ARK2C: variants seen among roughly 807,000 people sequenced by gnomAD.
ARK2C encodes the protein E3 ubiquitin-protein ligase ARK2C.
At chr18:46,451,918 T>C in the ARK2C span, among the ~76,000 whole-genome samples, 1 of 152,216 alleles carries the variant, frequency 6.6e-6, no homozygotes, top group African/African-American at 2.4e-5. Flanking sequence ...CTGTGTACTG[T>C]ATGTTTCCAA....
At chr18:46,437,435 A>G in the ARK2C span, among the ~76,000 whole-genome samples, 1 of 152,260 alleles carries the variant, frequency 6.6e-6, no homozygotes, top group African/African-American at 2.4e-5. Context: ...ATCCTCTGCA[A>G]GGAGCCCTGG....
At chr18:46,432,651 G>A in the ARK2C span, among the ~76,000 whole-genome samples, 38 of 152,324 alleles carry the variant, frequency 2.5e-4, no homozygotes, top group African/African-American at 8.2e-4. Flanking sequence ...GGATGCTTAT[G>A]TATTCATTAA....
chr18:46,335,226 C>G, the ARK2C span: 2 of 152,200 alleles, frequency 1.3e-5, no homozygotes, highest in Non-Finnish European at 2.9e-5. Flanking sequence ...CCACGCCAGG[C>G]CTTTGCCCCG....
chr18:46,373,642 C>T, the ARK2C span, among the ~76,000 whole-genome samples: 4 of 152,196 alleles, frequency 2.6e-5, no homozygotes, highest in African/African-American at 7.2e-5. Flanking sequence ...CACACTGGCT[C>T]CTCGGGCTCC....
At chr18:46,338,035 A>C in the ARK2C span, among the ~76,000 whole-genome samples, 1 of 152,148 alleles carries the variant, frequency 6.6e-6, no homozygotes, top group African/African-American at 2.4e-5. Context: ...GGTGAAGAGA[A>C]GGGGATATAA....
chr18:46,355,575 C>T, the ARK2C span, among the ~76,000 whole-genome samples: 1 of 152,224 alleles, frequency 6.6e-6, no homozygotes, highest in African/African-American at 2.4e-5. Flanking sequence ...CCCATCTGTG[C>T]CTATCTGAGG....
the ARK2C span, among the ~76,000 whole-genome samples, chr18:46,404,946 C>T: frequency 6.6e-6 from 1 of 152,114 alleles, no homozygotes; most frequent in African/African-American, 2.4e-5. Context: ...ATGTATGATA[C>T]ATGCAGAAGA....
At chr18:46,460,254 G>C in the ARK2C span, 1 of 152,500 alleles carries the variant, frequency 6.6e-6, no homozygotes, top group African/African-American at 2.4e-5. Context: ...CCCGCCTGTA[G>C]GCGGGACAAA....
chr18:46,404,097 G>C, the ARK2C span, among the ~76,000 whole-genome samples: 1 of 152,162 alleles, frequency 6.6e-6, no homozygotes, highest in Non-Finnish European at 1.5e-5. Context: ...CCCATGGAAA[G>C]TTTCAGGATT....
the ARK2C span, among the ~76,000 whole-genome samples, chr18:46,382,389 C>T: frequency 2.6e-5 from 4 of 152,234 alleles, no homozygotes; most frequent in African/African-American, 9.6e-5. Flanking sequence ...TTGGTCCTGG[C>T]TGGGTCTGAG....
chr18:46,448,053 C>G, the ARK2C span, among the ~76,000 whole-genome samples: 1 of 151,382 alleles, frequency 6.6e-6, no homozygotes, highest in Admixed American at 6.6e-5. Context: ...TGTTCTCAAC[C>G]TCCTATACCC....
the ARK2C span, among the ~76,000 whole-genome samples, chr18:46,396,812 G>A: frequency 6.6e-6 from 1 of 152,186 alleles, no homozygotes; most frequent in South Asian, 2.1e-4. Flanking sequence ...ATCCAAGGAC[G>A]GGCGTGGTGG....
chr18:46,450,808 G>T, the ARK2C span: 6 of 1,599,092 alleles, frequency 3.8e-6, no homozygotes, highest in Admixed American at 1.7e-5. Context: ...AGGTGGGTCT[G>T]CCAGCAGGCC....
At chr18:46,363,830 G>A in the ARK2C span, among the ~76,000 whole-genome samples, 1 of 152,160 alleles carries the variant, frequency 6.6e-6, no homozygotes, top group African/African-American at 2.4e-5. Flanking sequence ...TGAATTCATA[G>A]GGGCCACCGT....
chr18:46,450,320 C>G, the ARK2C span: 1 of 1,614,006 alleles, frequency 6.2e-7, no homozygotes, highest in Non-Finnish European at 8.5e-7. Flanking sequence ...CCGAAACTAC[C>G]CTTACCCTCA....
the ARK2C span, chr18:46,336,197 C>A: frequency 3.0e-6 from 3 of 985,344 alleles, no homozygotes; most frequent in Non-Finnish European, 3.6e-6. Context: ...GGCAGAAATT[C>A]AAAAATGATT....
chr18:46,450,186 C>T, the ARK2C span: 1 of 748,772 alleles, frequency 1.3e-6, no homozygotes, highest in South Asian at 1.5e-5. Context: ...ATAGTTCTGC[C>T]CACAGCATCT....
chr18:46,403,527 T>G, the ARK2C span, among the ~76,000 whole-genome samples: 3 of 152,226 alleles, frequency 2.0e-5, no homozygotes, highest in African/African-American at 7.2e-5. Context: ...CTTGACTCTT[T>G]CATTTCAATG....
At chr18:46,421,054 G>A in the ARK2C span, among the ~76,000 whole-genome samples, 1 of 152,170 alleles carries the variant, frequency 6.6e-6, no homozygotes, top group African/African-American at 2.4e-5. Context: ...GAGGACTTCT[G>A]TTTTGGGTCT....
Sources: allele counts gnomAD v4.1 joint callset (sites outside exome capture counted in the v4.1 genomes callset), GRCh38; gene constraint gnomAD v4.1.1; transcripts MANE v1.5; gene names NCBI Gene and HGNC (gene_info 2026-07-23, HGNC 2026-07-21).